Variants in TYW5 observed in about 807,000 individuals in gnomAD.
The protein encoded by TYW5 is tRNA-yW synthesizing protein 5.
In TYW5, 36 loss-of-function variants were observed where a neutral mutation model predicts 44.4. That is an observed-to-expected ratio of 0.81 (90% CI 0.62 to 1.07). TYW5 has a LOEUF of 1.07. Ranked by LOEUF, TYW5 falls within the 50% of genes least tolerant of loss-of-function variation. The pLI is 0.00. For synonymous variants in TYW5, 121 were observed against 128.1 expected (o/e 0.94, Z 0.37); for missense variants, 354 against 365.7 (o/e 0.97, Z 0.26).
rs756527792 is a variant in TYW5 at position 199,931,302 on chromosome 2, C to G, written c.*1765G>C. ...TTGTCTAAGGTCATCCAGTTTGCTT[C>G]TCCATTAAACAATCAATTAAGATGA... is the stretch of plus-strand genomic sequence containing the variant. On this transcript the variant is annotated 3_prime_UTR_variant, in exon 8 of 8. Coordinates refer to ENST00000354611, the MANE Select transcript of TYW5 (RefSeq NM_001039693.3). 2.2e-4 allele frequency: 34 copies of G among 151,986 alleles called. No homozygotes were observed. Among genetic ancestry groups the G allele is most frequent in the Non-Finnish European group, 4.4e-4 (30 of 68,014 alleles). 9.4% of individuals were successfully genotyped at this position (151,986 alleles called of 1,614,324 possible). A position where few individuals can be genotyped will look rare whatever the true frequency, so the allele number is the denominator to read the frequency against.
chr2:199,948,977 G>T (rs533884891), intron 1 of TYW5, among the ~76,000 whole-genome samples: 2 of 152,128 alleles, frequency 1.3e-5, no homozygotes, highest in South Asian at 4.1e-4. Context: ...TGACACCATG[G>T]TCCTTATCTC....
chr2:199,932,923 T>G lies in TYW5; in HGVS notation c.*144A>C. 1.1e-6 allele frequency: 1 copy of G among 903,864 alleles called. No individual in the cohort carries two copies. Among genetic ancestry groups the G allele is most frequent in the South Asian group, 1.9e-5 (1 of 54,008 alleles). The allele number at this position is 903,864 out of a possible 1,614,324, so 56.0% of individuals were successfully genotyped here. A position where few individuals can be genotyped will look rare whatever the true frequency, so the allele number is the denominator to read the frequency against. ...ACAGCATTCTTTAATTATAACAATC[T>G]GTATCAAGTAGAATCCACACAAACA... On this transcript the variant is annotated 3_prime_UTR_variant, in exon 8 of 8. Transcript: ENST00000354611.
Position 199,932,963 on chromosome 2 carries a change from C to A in TYW5, c.*104G>T, listed in dbSNP as rs2077390973. ...CCACACAAACACCCCTTCGTACTTA[C>A]ATAATCTGTAAATCTGATGTATCTT... On this transcript the variant is annotated 3_prime_UTR_variant, in exon 8 of 8. Transcript: ENST00000354611. 7.4e-7 allele frequency: 1 copy of A among 1,357,850 alleles called. No individual in the cohort carries two copies. Among genetic ancestry groups the A allele is most frequent in the South Asian group, 1.4e-5 (1 of 70,306 alleles). 84.1% of individuals were successfully genotyped at this position (1,357,850 alleles called of 1,614,324 possible). A position where few individuals can be genotyped will look rare whatever the true frequency, so the allele number is the denominator to read the frequency against.
At position 199,929,913 on chromosome 2, in the gene TYW5, C is replaced by G. The variant is rs2077361274; in HGVS notation, c.*3154G>C. On this transcript the variant is annotated 3_prime_UTR_variant, in exon 8 of 8. Coordinates refer to ENST00000354611, the MANE Select transcript of TYW5 (RefSeq NM_001039693.3). ...CTTCAAGCACTCCTCCTGCCTCAGCCTCCCAAGATGCTGGGACTACAGGTG... is the reference window on the plus strand; with the variant it reads ...CTTCAAGCACTCCTCCTGCCTCAGCGTCCCAAGATGCTGGGACTACAGGTG... 1.3e-5 allele frequency: 2 copies of G among 151,844 alleles called. No individual in the cohort carries two copies. The highest frequency in any genetic ancestry group is 6.6e-5 in the Admixed American group (1 of 15,210). The allele number at this position is 151,844 out of a possible 1,614,324, so 9.4% of individuals were successfully genotyped here.
At chr2:199,943,713 A>G (rs1474367850) in intron 3 of TYW5, 52 bp downstream of exon 3, 3 of 1,396,676 alleles carry the variant, frequency 2.1e-6, no homozygotes, top group Non-Finnish European at 3.0e-6. Flanking sequence ...AAGAAAATCC[A>G]TTTAGTATAT....
intron 1 of TYW5, among the ~76,000 whole-genome samples, chr2:199,953,013 T>C (rs533013469): frequency 1.3e-5 from 2 of 152,302 alleles, no homozygotes; most frequent in East Asian, 1.9e-4. Context: ...ATATAAACTA[T>C]GAATTTTGGG....
In TYW5 at chr2:199,932,634, A is replaced by G. The variant is rs1423713070; in HGVS notation, c.*433T>C. On this transcript the variant is annotated 3_prime_UTR_variant, in exon 8 of 8. Coordinates refer to ENST00000354611, the MANE Select transcript of TYW5 (RefSeq NM_001039693.3). ...GTAAATGAAGATGCACAAGGCTCCA[A>G]CTGCTACTGGCAATCATCCCATGAC... 1 of 166,530 alleles carries G rather than the reference A, an allele frequency of 6.0e-6. No individual in the cohort carries two copies. The highest frequency in any genetic ancestry group is 5.7e-5 in the Admixed American group (1 of 17,454). The allele number at this position is 166,530 out of a possible 1,614,324, so 10.3% of individuals were successfully genotyped here. A position where few individuals can be genotyped will look rare whatever the true frequency, so the allele number is the denominator to read the frequency against.
At position 199,939,044 on chromosome 2, in the gene TYW5, A is replaced by G. The variant is rs2077443458; in HGVS notation, c.375T>C (p.Phe125=). The change falls in exon 5 of 8, where the codon TTT becomes TTC. Residue 125 remains phenylalanine, a synonymous_variant. Coordinates refer to ENST00000354611, the MANE Select transcript of TYW5 (RefSeq NM_001039693.3). ...ACTTAATATCTCCTTTCAACAAAGG[A>G]AACTGCTTTCTGATATCTGCAACAT... ...RKDVADIRKQ[F]PLLKGDIKFP... is the part of the protein sequence containing the mutation. 1 of 1,610,932 alleles carries G rather than the reference A, an allele frequency of 6.2e-7. No individual in the cohort carries two copies. The highest frequency in any genetic ancestry group is 1.7e-5 in the Admixed American group (1 of 58,942).
chr2:199,938,921 T>C lies in TYW5; in HGVS notation c.486+12A>G. The C allele has an allele frequency of 3.8e-6, 6 of 1,582,416 alleles. No individual in the cohort carries two copies. The highest frequency in any genetic ancestry group is 5.1e-6 in the Non-Finnish European group (6 of 1,169,204). On this transcript the variant is annotated intron_variant, in intron 5 of 7. Coordinates refer to ENST00000354611, the MANE Select transcript of TYW5 (RefSeq NM_001039693.3). ...CTATTGTAGCTTTAAATTTCTCATT[T>C]ATGTAGCATACATCATAATGAGTCC...
chr2:199,940,011 TA>T, intron 4 of TYW5, 77 bp downstream of exon 4: 1 of 1,354,818 alleles, frequency 7.4e-7, no homozygotes, highest in Non-Finnish European at 1.1e-6. Flanking sequence ...GCAGTAAGTA[TA>T]AAATTACAGT....
At chr2:199,943,226 A>C (rs574007538) in intron 3 of TYW5, 1 of 152,402 alleles carries the variant, frequency 6.6e-6, no homozygotes, top group South Asian at 2.1e-4. Flanking sequence ...ATTTAAATTG[A>C]ATTATTTAAA....
intron 1 of TYW5, among the ~76,000 whole-genome samples, chr2:199,953,411 G>A (rs1431656206): frequency 6.6e-6 from 1 of 152,170 alleles, no homozygotes; most frequent in East Asian, 1.9e-4. Flanking sequence ...GTTGATCATG[G>A]AGGAGGCTAT....
intron 3 of TYW5, among the ~76,000 whole-genome samples, chr2:199,941,012 T>C (rs1041602341): frequency 1.3e-5 from 2 of 152,180 alleles, no homozygotes; most frequent in South Asian, 2.1e-4. Context: ...TATAATTTCA[T>C]TGTAGTAAAC....
chr2:199,939,441 G>C (rs1373809126), intron 4 of TYW5, among the ~76,000 whole-genome samples: 1 of 152,172 alleles, frequency 6.6e-6, no homozygotes, highest in Non-Finnish European at 1.5e-5. Flanking sequence ...ACCAGGCTGT[G>C]TAACAAGACT....
At chr2:199,941,991 T>C (rs929073569) in intron 3 of TYW5, 3 of 152,360 alleles carry the variant, frequency 2.0e-5, no homozygotes, top group African/African-American at 7.2e-5. Context: ...TCTTCCCCTA[T>C]CCAATCCTGC....
intron 3 of TYW5, among the ~76,000 whole-genome samples, chr2:199,941,188 A>G (rs1365242686): frequency 6.6e-6 from 1 of 152,142 alleles, no homozygotes; most frequent in Non-Finnish European, 1.5e-5. Flanking sequence ...CCTCCCGAGT[A>G]GCTGGGACAT....
chr2:199,952,355 A>G (rs561707415), intron 1 of TYW5, among the ~76,000 whole-genome samples: 2 of 152,320 alleles, frequency 1.3e-5, no homozygotes, highest in African/African-American at 4.8e-5. Flanking sequence ...TCACCAAGAG[A>G]GTATTACCAG....
Position 199,933,255 on chromosome 2 carries a change from G to T in TYW5, c.760C>A (p.Pro254Thr). The stretch of plus-strand genomic sequence containing the variant: ...TCTGTTTTATCATAGCATTCAGATG[G>T]AAGGTGCTTCCAAAAGATATTCACT... Reference protein sequence around the residue: ...VGVNIFWKHLPSECYDKTDTY... With the variant: ...VGVNIFWKHLTSECYDKTDTY... Residue 254 changes from proline to threonine, a missense_variant, in exon 8 of 8, where the codon CCA becomes ACA. Pro to Thr is a conservative substitution (Grantham distance 38, BLOSUM62 -1). Transcript: ENST00000354611. 1 of 1,613,990 alleles carries T rather than the reference G, an allele frequency of 6.2e-7. No homozygotes were observed. The highest frequency in any genetic ancestry group is 1.3e-5 in the African/African-American group (1 of 75,028).
intron 2 of TYW5, chr2:199,945,976 C>T (rs1574805262): frequency 6.6e-6 from 1 of 152,320 alleles, no homozygotes; most frequent in Non-Finnish European, 1.5e-5. Flanking sequence ...TTTGTCTGGA[C>T]TGGCAGCACC....
Sources: allele counts gnomAD v4.1 joint callset (sites outside exome capture counted in the v4.1 genomes callset), GRCh38; gene constraint gnomAD v4.1.1; transcripts MANE v1.5; gene names NCBI Gene and HGNC (gene_info 2026-07-23, HGNC 2026-07-21).